The following MAPK10 variants were observed in gnomAD, a reference collection of about 807,000 sequenced individuals.
MAPK10 encodes mitogen-activated protein kinase 10.
A neutral mutation model predicts 59.3 loss-of-function variants in MAPK10; 25 were observed. That is an observed-to-expected ratio of 0.42 (90% CI 0.31 to 0.59). The LOEUF (loss-of-function observed/expected upper bound fraction) is 0.59, where lower values mean the gene tolerates loss of function less well. MAPK10 is among the 20% of genes least tolerant of loss of function. MAPK10 has a pLI of 0.15. For synonymous variants in MAPK10, 190 were observed against 200.5 expected (o/e 0.95, Z 0.44); for missense variants, 351 against 568.9 (o/e 0.62, Z 3.90).
intron 2 of MAPK10, among the ~76,000 whole-genome samples, chr4:86,237,246 A>C (rs539088696): frequency 6.6e-6 from 1 of 152,280 alleles, no homozygotes; most frequent in East Asian, 1.9e-4. Flanking sequence ...ACATTTATCC[A>C]GTCTATTATT....
At chr4:86,375,106 A>T (rs540894402) in intron 1 of MAPK10, among the ~76,000 whole-genome samples, 4 of 152,336 alleles carry the variant, frequency 2.6e-5, no homozygotes, top group Admixed American at 1.3e-4. Context: ...CATTACAGTG[A>T]TGGGAATAAA....
At chr4:86,082,893 A>G (rs2050948272) in intron 9 of MAPK10, among the ~76,000 whole-genome samples, 1 of 152,128 alleles carries the variant, frequency 6.6e-6, no homozygotes, top group Non-Finnish European at 1.5e-5. Flanking sequence ...CTGCACTTTC[A>G]TTGGCAGTGC....
chr4:86,384,053 A>T (rs1479539073), intron 1 of MAPK10: 1 of 152,220 alleles, frequency 6.6e-6, no homozygotes, highest in Admixed American at 6.5e-5. Flanking sequence ...TTTCTACAGA[A>T]CATTTAAATA....
chr4:86,079,925 G>C (rs1376915211), intron 9 of MAPK10: 1 of 152,004 alleles, frequency 6.6e-6, no homozygotes, highest in African/African-American at 2.4e-5. Flanking sequence ...CTGCCCCCAT[G>C]CTAGCATTTT....
chr4:86,300,117 T>A (rs2095441497), intron 2 of MAPK10, among the ~76,000 whole-genome samples: 1 of 152,156 alleles, frequency 6.6e-6, no homozygotes, highest in African/African-American at 2.4e-5. Context: ...GGTCTCGAAC[T>A]CCTGACCTCA....
At chr4:86,318,991 T>C (rs527746211) in intron 2 of MAPK10, among the ~76,000 whole-genome samples, 3 of 152,180 alleles carry the variant, frequency 2.0e-5, no homozygotes, top group Admixed American at 2.0e-4. Flanking sequence ...TTATTGAATC[T>C]ATGTTTATTG....
At chr4:86,504,585 G>T (rs1755582309) in intron 1 of MAPK10, among the ~76,000 whole-genome samples, 1 of 152,066 alleles carries the variant, frequency 6.6e-6, no homozygotes, top group East Asian at 1.9e-4. Context: ...ACATTAGGAA[G>T]CTCACTGCTC....
intron 9 of MAPK10, among the ~76,000 whole-genome samples, chr4:86,069,413 A>T (rs754694696): frequency 6.6e-6 from 1 of 152,128 alleles, no homozygotes; most frequent in African/African-American, 2.4e-5. Context: ...ATAATTAAAC[A>T]AGAACATGCT....
chr4:86,357,735 T>C (rs1253180643), intron 1 of MAPK10: 1 of 152,210 alleles, frequency 6.6e-6, no homozygotes, highest in Admixed American at 6.5e-5. Flanking sequence ...CAGCAGATGC[T>C]GTTCTGGGGC....
intron 2 of MAPK10, among the ~76,000 whole-genome samples, chr4:86,228,318 G>C (rs978925774): frequency 9.2e-5 from 14 of 152,162 alleles, no homozygotes; most frequent in African/African-American, 3.4e-4. Flanking sequence ...CTAGGAATTA[G>C]CTAGCTCTGG....
At position 86,564,147 on chromosome 4, in the gene MAPK10, G is replaced by A. The variant is rs558087528; in HGVS notation, c.-263+29763C>T. ...ACGCCTGGCCCAAAACTTATGAATTGCTTATTTCTGGAATTTTCCATTTAC... is the reference window on the plus strand; with the variant it reads ...ACGCCTGGCCCAAAACTTATGAATTACTTATTTCTGGAATTTTCCATTTAC... On this transcript the variant is annotated intron_variant, in intron 1 of 4. Transcript: ENST00000502302. Among the ~76,000 whole-genome samples, 99 of 152,164 alleles carry A rather than the reference G, an allele frequency of 6.5e-4. 1 individual carries two copies. In the Middle Eastern group the frequency reaches 0.014, roughly 21 times the overall value.
intron 4 of MAPK10, among the ~76,000 whole-genome samples, chr4:86,147,656 G>A (rs548423741): frequency 6.6e-6 from 1 of 152,178 alleles, no homozygotes; most frequent in South Asian, 2.1e-4. Flanking sequence ...TTTGTATCAA[G>A]TCCTCAGATT....
intron 2 of MAPK10, among the ~76,000 whole-genome samples, chr4:86,342,408 T>C (rs1725532406): frequency 6.6e-6 from 1 of 152,176 alleles, no homozygotes; most frequent in Admixed American, 6.5e-5. Context: ...CACTTTACTA[T>C]TATTAACAAT....
chr4:86,546,971 G>A (rs921263607), intron 1 of MAPK10, among the ~76,000 whole-genome samples: 3 of 152,122 alleles, frequency 2.0e-5, no homozygotes, highest in South Asian at 2.1e-4. Context: ...CAGGAGAACC[G>A]TGTGAACCCG....
intron 1 of MAPK10, among the ~76,000 whole-genome samples, chr4:86,422,841 T>G (rs1004910044): frequency 1.3e-5 from 2 of 152,062 alleles, no homozygotes; most frequent in Non-Finnish European, 2.9e-5. Context: ...AAGTGGAAAA[T>G]CGTAGCAAAC....
chr4:86,098,724 T>G, intron 8 of MAPK10, 129 bp from the exon 9 acceptor site: 2 of 751,622 alleles, frequency 2.7e-6, no homozygotes, highest in South Asian at 3.3e-5. Flanking sequence ...CCACCAAAAG[T>G]TGGCCAAAAT....
chr4:86,152,598 C>A (rs894080789), intron 4 of MAPK10: 1 of 152,208 alleles, frequency 6.6e-6, no homozygotes, highest in Non-Finnish European at 1.5e-5. Flanking sequence ...CCCCCACATT[C>A]AAATCCATGA....
At chr4:86,562,108 T>C (rs1162970584) in intron 1 of MAPK10, among the ~76,000 whole-genome samples, 2 of 152,140 alleles carry the variant, frequency 1.3e-5, no homozygotes, top group Non-Finnish European at 2.9e-5. Context: ...GTAATTCTAG[T>C]ACTTTGGGAA....
intron 2 of MAPK10, among the ~76,000 whole-genome samples, chr4:86,199,218 T>G (rs75880164): frequency 6.6e-6 from 1 of 151,814 alleles, no homozygotes; most frequent in Non-Finnish European, 1.5e-5. Context: ...CCAGTATACA[T>G]GTACAAGAAA....
Sources: gnomAD v4.1 joint callset for allele counts (sites outside exome capture counted in the v4.1 genomes callset) on GRCh38, gnomAD v4.1.1 for gene constraint, MANE v1.5 for transcripts, NCBI Gene and HGNC (gene_info 2026-07-23, HGNC 2026-07-21) for gene names.